The following DDX52 variants were observed in gnomAD, a reference collection of about 807,000 sequenced individuals.
DDX52 encodes the protein probable ATP-dependent RNA helicase DDX52.
A neutral mutation model predicts 76.1 loss-of-function variants in DDX52; 59 were observed. The observed-to-expected ratio is 0.78, with a 90% CI of 0.63 to 0.96. The LOEUF (loss-of-function observed/expected upper bound fraction) is 0.96, where lower values mean the gene tolerates loss of function less well. Ranked by LOEUF, DDX52 falls within the 40% of genes least tolerant of loss-of-function variation. The probability of loss-of-function intolerance (pLI) is 0.00; values close to 1 mark genes in which losing one functional copy is unlikely to be tolerated. For missense variants in DDX52, 707 were observed against 703.9 expected (o/e 1.00, Z -0.05); for synonymous variants, 231 against 244.1 (o/e 0.95, Z 0.50).
chr17:37,615,407 GT>G (rs1187275913), intron 14 of DDX52, among the ~76,000 whole-genome samples: 2 of 152,330 alleles, frequency 1.3e-5, no homozygotes, highest in East Asian at 3.9e-4. Flanking sequence ...GGCAGGTGCA[GT>G]GGCTCATGCC....
At chr17:37,640,111 C>A (rs1344064106) in intron 2 of DDX52, among the ~76,000 whole-genome samples, 2 of 152,146 alleles carry the variant, frequency 1.3e-5, no homozygotes, top group Admixed American at 1.3e-4. Context: ...CTGGTGGATA[C>A]ATCTATTTGT....
chr17:37,624,582 TAACTTG>T, intron 8 of DDX52, 148 bp from the exon 9 acceptor site: 1 of 436,230 alleles, frequency 2.3e-6, no homozygotes, highest in Non-Finnish European at 3.9e-6. Context: ...ATTTATACTT[TAACTTG>T]AAGACAAAAT....
intron 14 of DDX52, 42 bp from the exon 15 acceptor site, chr17:37,614,395 C>G: frequency 6.3e-7 from 1 of 1,582,008 alleles, no homozygotes; most frequent in South Asian, 1.1e-5. Context: ...AAAAATTCTA[C>G]GTATATTTAC....
intron 1 of DDX52, chr17:37,642,628 G>T: frequency 6.6e-6 from 2 of 301,346 alleles, no homozygotes; most frequent in Non-Finnish European, 1.2e-5. Flanking sequence ...AAGGCATTCG[G>T]AAATTAAGTA....
chr17:37,631,194 C>T (rs906374094), intron 4 of DDX52: 2 of 152,134 alleles, frequency 1.3e-5, no homozygotes, highest in African/African-American at 4.8e-5. Flanking sequence ...CAGAAACAAA[C>T]CTCAGAAAAA....
intron 9 of DDX52, among the ~76,000 whole-genome samples, chr17:37,622,697 C>T (rs190587044): frequency 2.0e-5 from 3 of 152,238 alleles, no homozygotes; most frequent in Non-Finnish European, 2.9e-5. Flanking sequence ...AAAAATCTTA[C>T]GTATAATTTT....
chr17:37,616,640 G>A (rs1441173058), intron 14 of DDX52, among the ~76,000 whole-genome samples: 4 of 149,986 alleles, frequency 2.7e-5, no homozygotes, highest in Non-Finnish European at 5.9e-5. Flanking sequence ...GGGCGACAGG[G>A]TGGCAGAGCA....
intron 5 of DDX52, among the ~76,000 whole-genome samples, chr17:37,629,226 A>AAT (rs1568605180): frequency 9.9e-6 from 1 of 101,458 alleles, no homozygotes; most frequent in Non-Finnish European, 2.0e-5. Flanking sequence ...CCCAAGAAAA[A>AAT]ATACACACAC....
rs1161188638 is a variant in DDX52, at chr17:37,612,877, C to T, written c.*1419G>A. 6.6e-6 allele frequency: 1 copy of T among 152,114 alleles called. No homozygotes were observed. Among genetic ancestry groups the T allele is most frequent in the African/African-American group, 2.4e-5 (1 of 41,424 alleles). The allele number at this position is 152,114 out of a possible 1,614,324, so 9.4% of individuals were successfully genotyped here. On this transcript the variant is annotated 3_prime_UTR_variant, in exon 15 of 15. Transcript: ENST00000617633. ...CACACAGCTGGCAAATGGGTTGCAC[C>T]AGTATACCTACCTCCAGAATATATA...
At chr17:37,629,888 G>T in intron 5 of DDX52, 142 bp downstream of exon 5, 1 of 1,039,664 alleles carries the variant, frequency 9.6e-7, no homozygotes, top group Non-Finnish European at 1.3e-6. Context: ...AGTAAGATCC[G>T]GAGCACTGTG....
chr17:37,637,320 G>A (rs537675074), intron 2 of DDX52, among the ~76,000 whole-genome samples: 44 of 151,694 alleles, frequency 2.9e-4, no homozygotes, highest in African/African-American at 7.5e-4. Flanking sequence ...TAGTAGAGAC[G>A]GGGTTTCACC....
At chr17:37,621,313 T>C (rs1246424598) in intron 10 of DDX52, 36 bp from the exon 11 acceptor site, 1 of 1,593,768 alleles carries the variant, frequency 6.3e-7, no homozygotes, top group Admixed American at 1.8e-5. Context: ...TGTTTTAGAA[T>C]GAAAACAGGT....
chr17:37,627,564 G>C (rs1408784083), intron 6 of DDX52, among the ~76,000 whole-genome samples: 1 of 151,784 alleles, frequency 6.6e-6, no homozygotes, highest in Non-Finnish European at 1.5e-5. Context: ...ATTTCTAAGA[G>C]GAAAGAACAA....
chr17:37,620,600 A>G (rs1004570806), intron 12 of DDX52: 1 of 306,648 alleles, frequency 3.3e-6, no homozygotes, highest in African/African-American at 2.2e-5. Context: ...CTTCTACATT[A>G]AAATCTAACA....
At chr17:37,623,397 C>T (rs573426853) in intron 9 of DDX52, among the ~76,000 whole-genome samples, 1 of 152,226 alleles carries the variant, frequency 6.6e-6, no homozygotes, top group African/African-American at 2.4e-5. Context: ...CGCACTCCAG[C>T]CTGGGTGAAA....
chr17:37,634,699 C>G (rs1356134512), intron 2 of DDX52, among the ~76,000 whole-genome samples: 1 of 152,174 alleles, frequency 6.6e-6, no homozygotes, highest in East Asian at 1.9e-4. Flanking sequence ...GATAGCCTTT[C>G]TCCCTCAATC....
intron 4 of DDX52, 191 bp downstream of exon 4, chr17:37,631,922 A>G: frequency 1.5e-6 from 1 of 646,650 alleles, no homozygotes; most frequent in East Asian, 2.7e-5. Flanking sequence ...GAAAAGGAAG[A>G]AGATCACATC....
At position 37,633,273 on chromosome 17, in the gene DDX52, A is replaced by G. The variant is rs973968786; in HGVS notation, c.417+15T>C. 6.3e-7 allele frequency: 1 copy of G among 1,594,922 alleles called. No individual in the cohort carries two copies. Among genetic ancestry groups the G allele is most frequent in the Non-Finnish European group, 8.5e-7 (1 of 1,173,444 alleles). ...GAAAATATATATACTTTTGGCCCCA[A>G]AATATTTTTCTAACCTTTTCTTTTC... On this transcript the variant is annotated intron_variant, in intron 3 of 14. Transcript: ENST00000617633.
chr17:37,641,607 C>T (rs142835658), intron 2 of DDX52, among the ~76,000 whole-genome samples: 2,304 of 148,732 alleles, frequency 0.015, 62 homozygotes, highest in African/African-American at 0.052. Flanking sequence ...CGTGGTGACA[C>T]GCACCTGTAG....
Sources: allele counts gnomAD v4.1 joint callset (sites outside exome capture counted in the v4.1 genomes callset), GRCh38; gene constraint gnomAD v4.1.1; transcripts MANE v1.5; gene names NCBI Gene and HGNC (gene_info 2026-07-23, HGNC 2026-07-21).